Variants in ST3GAL4 observed in about 807,000 individuals in gnomAD.
The protein encoded by ST3GAL4 is ST3 beta-galactoside alpha-2,3-sialyltransferase 4.
In ST3GAL4, 24 loss-of-function variants were observed where a neutral mutation model predicts 42.6. The ratio of observed to expected loss-of-function variants is 0.56; its 90% CI spans 0.41 to 0.79. The LOEUF (loss-of-function observed/expected upper bound fraction) is 0.79, where lower values mean the gene tolerates loss of function less well. ST3GAL4 is among the 30% of genes least tolerant of loss of function. The pLI, the probability that ST3GAL4 is intolerant of heterozygous loss-of-function variation, is 0.00. For synonymous variants in ST3GAL4, 135 were observed against 163.2 expected (o/e 0.83, Z 1.32); for missense variants, 311 against 430.8 (o/e 0.72, Z 2.46).
At chr11:126,385,774 G>A (rs111291414) in intron 1 of ST3GAL4, among the ~76,000 whole-genome samples, 4,796 of 152,144 alleles carry the variant, frequency 0.032, 108 homozygotes, top group Non-Finnish European at 0.052. Flanking sequence ...CACTTTGGGA[G>A]GCTGAGGTGG....
chr11:126,358,242 C>CT (rs1470641949), intron 1 of ST3GAL4, among the ~76,000 whole-genome samples: 1 of 152,264 alleles, frequency 6.6e-6, no homozygotes, highest in Non-Finnish European at 1.5e-5. Flanking sequence ...CAACAGGCCC[C>CT]TGCTGGTGGT....
At chr11:126,408,624 T>G (rs1954380195) in intron 8 of ST3GAL4, 128 bp downstream of exon 8, 1 of 1,187,906 alleles carries the variant, frequency 8.4e-7, no homozygotes, top group Admixed American at 2.3e-5. Flanking sequence ...TGAACCGGGC[T>G]CCCGGAAGTC....
chr11:126,366,721 C>G lies in ST3GAL4; in HGVS notation c.-61+10879C>G, dbSNP rs1952442057. ...GGAAACATCCTTGTTCATCAAGCAC[C>G]AGGCTGACCATGGTGTCCGTCTCAG... On this transcript the variant is annotated intron_variant, in intron 1 of 10. Coordinates refer to ENST00000444328, the MANE Select transcript of ST3GAL4 (RefSeq NM_001254757.2). The surrounding 1 kb of genome is among the most constrained non-coding windows in gnomAD (Gnocchi z 4.2). Among the ~76,000 whole-genome samples the G allele has an allele frequency of 6.6e-6, 1 of 152,176 alleles. No individual in the cohort carries two copies. Among genetic ancestry groups the G allele is most frequent in the Admixed American group, 6.5e-5 (1 of 15,274 alleles).
chr11:126,371,546 T>C (rs1026071482), intron 1 of ST3GAL4, among the ~76,000 whole-genome samples: 2 of 152,210 alleles, frequency 1.3e-5, no homozygotes, highest in Non-Finnish European at 2.9e-5. Context: ...CCTTTATCTA[T>C]TTGCAACACT....
rs1191536928 is a variant in ST3GAL4, at chr11:126,396,371, G to C, written c.-60-9725G>C. On this transcript the variant is annotated intron_variant, in intron 1 of 10. Transcript: ENST00000444328. This position sits in a 1 kb window ranked among gnomAD's most constrained non-coding sequence, Gnocchi z 5.8. ...CGGGAGACCTGGCCTACAGCGGAGA[G>C]AGTCAGTCCATGCCAGTGGTGGGAT... 5.9e-5 allele frequency among the ~76,000 whole-genome samples: 9 copies of C among 152,080 alleles called. No individual in the cohort carries two copies. The highest frequency in any genetic ancestry group is 1.3e-4 in the Non-Finnish European group (9 of 68,036).
At chr11:126,403,543 C>A in intron 1 of ST3GAL4, 1 of 688,896 alleles carries the variant, frequency 1.5e-6, no homozygotes, top group Non-Finnish European at 1.8e-6. Context: ...CACCCCTAAC[C>A]AATTAAATAA....
Position 126,379,250 on chromosome 11 carries a change from T to G in ST3GAL4, c.-61+23408T>G, listed in dbSNP as rs1162710862. 1.3e-5 allele frequency among the ~76,000 whole-genome samples: 2 copies of G among 152,224 alleles called. No homozygotes were observed. The highest frequency in any genetic ancestry group is 2.9e-5 in the Non-Finnish European group (2 of 68,040). On this transcript the variant is annotated intron_variant, in intron 1 of 10. Coordinates refer to ENST00000444328, the MANE Select transcript of ST3GAL4 (RefSeq NM_001254757.2). This position sits in a 1 kb window ranked among gnomAD's most constrained non-coding sequence, Gnocchi z 4.2. Reference sequence around the variant, plus strand: ...TTGCTTAGTAGTGAGGATGGCTTCATGTTGAGCAGTAGATCTTAGAGGATA... The same window carrying G: ...TTGCTTAGTAGTGAGGATGGCTTCAGGTTGAGCAGTAGATCTTAGAGGATA...
rs777097992 is a variant in ST3GAL4 at position 126,407,244 on chromosome 11, C to T, written c.183-8C>T. On this transcript the variant is annotated splice_region_variant and splice_polypyrimidine_tract_variant and intron_variant, in intron 4 of 10. Transcript: ENST00000444328. ...TCTCATCCCCACCCGGCTTTCACCT[C>T]TGTGCAGCTACTCCCGGGATCAGCC... is the stretch of plus-strand genomic sequence containing the variant. The T allele has an allele frequency of 6.2e-7, 1 of 1,614,120 alleles. No individual in the cohort carries two copies. The highest frequency in any genetic ancestry group is 8.5e-7 in the Non-Finnish European group (1 of 1,179,954).
chr11:126,357,688 C>T (rs1002640458), intron 1 of ST3GAL4, among the ~76,000 whole-genome samples: 1 of 152,206 alleles, frequency 6.6e-6, no homozygotes, highest in Non-Finnish European at 1.5e-5. Flanking sequence ...CCAGCAGGAG[C>T]AGAGAGACCA....
rs1314959752 is a variant in ST3GAL4, at chr11:126,355,871, C to T, written c.-61+29C>T. On this transcript the variant is annotated intron_variant, in intron 1 of 10. Coordinates refer to ENST00000444328, the MANE Select transcript of ST3GAL4 (RefSeq NM_001254757.2). The surrounding 1 kb of genome is among the most constrained non-coding windows in gnomAD (Gnocchi z 7.1). The stretch of plus-strand genomic sequence containing the variant: ...AGTACGCGGCGGCGGTGCGCGGGGG[C>T]CCGCGGGGCGGGGCGGGGCGGGGAG... The T allele has an allele frequency of 6.7e-6, 1 of 149,028 alleles. No homozygotes were observed. Among genetic ancestry groups the T allele is most frequent in the Non-Finnish European group, 1.5e-5 (1 of 66,798 alleles). The allele number at this position is 149,028 out of a possible 1,614,324, so 9.2% of individuals were successfully genotyped here. A position where few individuals can be genotyped will look rare whatever the true frequency, so the allele number is the denominator to read the frequency against.
intron 1 of ST3GAL4, among the ~76,000 whole-genome samples, chr11:126,370,123 CTT>C (rs1429076856): frequency 1.3e-5 from 2 of 152,330 alleles, no homozygotes; most frequent in Non-Finnish European, 2.9e-5. Flanking sequence ...AGACAAGTCT[CTT>C]TGCAAATATA....
intron 1 of ST3GAL4, chr11:126,375,113 A>G (rs1463549581): frequency 6.6e-6 from 1 of 152,276 alleles, no homozygotes; most frequent in Non-Finnish European, 1.5e-5. Context: ...GACCTGGCCT[A>G]CAGCGGAGAG....
At chr11:126,413,822 T>G (rs1190992543) in intron 10 of ST3GAL4, 139 bp from the exon 11 acceptor site, 3 of 1,384,216 alleles carry the variant, frequency 2.2e-6, no homozygotes, top group Non-Finnish European at 3.0e-6. Context: ...CCACATGGGC[T>G]TTGTCTTCCT....
chr11:126,408,343 C>T lies in ST3GAL4; in HGVS notation c.474C>T (p.Asp158=), dbSNP rs777493788. ...NNAPVAGYEG[D]VGSKTTMRLF... Reference sequence around the variant, plus strand: ...CCCCAGTGGCTGGCTATGAGGGTGACGTGGGCTCCAAGACCACCATGCGTC... The same window carrying T: ...CCCCAGTGGCTGGCTATGAGGGTGATGTGGGCTCCAAGACCACCATGCGTC... The change falls in exon 8 of 11, where the codon GAC becomes GAT. Residue 158 remains aspartate (D), a synonymous_variant. Transcript: ENST00000444328. 8.1e-6 allele frequency: 13 copies of T among 1,614,148 alleles called. No homozygotes were observed. Among genetic ancestry groups the T allele is most frequent in the African/African-American group, 2.7e-5 (2 of 75,028 alleles).
In ST3GAL4 at chr11:126,384,076, C is replaced by T. The variant is rs967088462; in HGVS notation, c.-60-22020C>T. Among the ~76,000 whole-genome samples the T allele has an allele frequency of 1.5e-4, 23 of 152,214 alleles. No homozygotes were observed. Among genetic ancestry groups the T allele is most frequent in the Non-Finnish European group, 2.9e-4 (20 of 68,030 alleles). On this transcript the variant is annotated intron_variant, in intron 1 of 10. Transcript: ENST00000444328. The surrounding 1 kb of genome is among the most constrained non-coding windows in gnomAD (Gnocchi z 5.5). ...CTGGCGAGCCTGCCTTGATACTCCC[C>T]GGCTCAACCCCTTTAACCCTGCTGG...
chr11:126,389,867 A>T (rs1953406522), intron 1 of ST3GAL4, among the ~76,000 whole-genome samples: 1 of 151,864 alleles, frequency 6.6e-6, no homozygotes, highest in Non-Finnish European at 1.5e-5. Flanking sequence ...GATTACAGGC[A>T]TGACTTTAAA....
intron 1 of ST3GAL4, chr11:126,403,217 C>T (rs1471912398): frequency 4.1e-6 from 1 of 242,812 alleles, no homozygotes; most frequent in African/African-American, 2.3e-5. Flanking sequence ...AAGACTCGCC[C>T]AGTTTGCTTA....
At chr11:126,405,935 G>A (rs11603211) in intron 1 of ST3GAL4, 161 bp from the exon 2 acceptor site, 73,912 of 833,890 alleles carry the variant, frequency 0.089, 3,942 homozygotes, top group East Asian at 0.18. Flanking sequence ...GGAGTTAGGA[G>A]GATCCTGGAT....
At chr11:126,388,660 G>GTTTTTTTTTTTTTTTTT (rs10599019) in intron 1 of ST3GAL4, among the ~76,000 whole-genome samples, 11 of 79,284 alleles carry the variant, frequency 1.4e-4, no homozygotes, top group African/African-American at 1.6e-4. Flanking sequence ...TAGGTTTCTT[G>GTTTTTTTTTTTTTTTTT]TTTTTTTTTT....
Sources: allele counts gnomAD v4.1 joint callset (sites outside exome capture counted in the v4.1 genomes callset), GRCh38; gene constraint gnomAD v4.1.1; non-coding constraint Gnocchi (gnomAD v3.1); transcripts MANE v1.5; gene names NCBI Gene and HGNC (gene_info 2026-07-23, HGNC 2026-07-21).